Variants in TNFAIP8 observed in about 807,000 individuals in gnomAD.
The protein encoded by TNFAIP8 is TNF alpha induced protein 8.
Under a neutral mutation model 13.3 loss-of-function variants are expected in TNFAIP8, and 7 were observed. The observed-to-expected ratio is 0.52, with a 90% CI of 0.30 to 0.99. The LOEUF (loss-of-function observed/expected upper bound fraction) is 0.99. Ranked by LOEUF, TNFAIP8 falls within the 50% of genes least tolerant of loss-of-function variation. The pLI is 0.07. For synonymous variants in TNFAIP8, 94 were observed against 87.6 expected, an observed-to-expected ratio of 1.07 and a Z score of -0.41; for missense variants, 258 against 236.9, an observed-to-expected ratio of 1.09 and a Z score of -0.58.
At chr5:119,270,884 C>G (rs1274289546) in intron 1 of TNFAIP8, among the ~76,000 whole-genome samples, 1 of 152,164 alleles carries the variant, frequency 6.6e-6, no homozygotes, top group South Asian at 2.1e-4. Flanking sequence ...GCATAGTGAT[C>G]CTGCACAAAT....
intron 1 of TNFAIP8, among the ~76,000 whole-genome samples, chr5:119,374,661 G>T (rs991439955): frequency 1.3e-5 from 2 of 152,166 alleles, no homozygotes; most frequent in African/African-American, 2.4e-5. Flanking sequence ...GATTCAGAAT[G>T]GTTTGAGCCC....
chr5:119,356,170 T>C, intron 1 of TNFAIP8, 49 bp downstream of exon 1: 1 of 1,509,430 alleles, frequency 6.6e-7, no homozygotes, highest in South Asian at 1.2e-5. Flanking sequence ...GCGGAGGAAT[T>C]TGGAGGAAGG....
chr5:119,324,292 AAAAAAAAAAAAAAAAAAAAAAAG>A (rs1750148996), intron 1 of TNFAIP8, among the ~76,000 whole-genome samples: 1 of 57,144 alleles, frequency 1.7e-5, no homozygotes, highest in African/African-American at 8.4e-5. Flanking sequence ...AAAAAAAAAA[AAAAAAAAAAAAAAAAAAAAAAAG>A]AAGAAGTTCC....
chr5:119,389,658 A>C (rs1373432403), intron 1 of TNFAIP8, among the ~76,000 whole-genome samples: 1 of 152,186 alleles, frequency 6.6e-6, no homozygotes, highest in African/African-American at 2.4e-5. Context: ...CTGGAAAATA[A>C]ATCTACTCAT....
In TNFAIP8 at chr5:119,393,498, C is replaced by A. The variant is rs1048637472; in HGVS notation, c.*117C>A. On this transcript the variant is annotated 3_prime_UTR_variant, in exon 2 of 2. Transcript: ENST00000504771. Reference sequence around the variant, plus strand: ...TACACATATTTCAGAAAGACTTTACCCAATTCAGTTGTCAGACATAATGAT... The same window carrying A: ...TACACATATTTCAGAAAGACTTTACACAATTCAGTTGTCAGACATAATGAT... The A allele has an allele frequency of 1.6e-5, 16 of 1,017,632 alleles. No individual in the cohort carries two copies. In the African/African-American group the frequency reaches 2.3e-4, roughly 14 times the overall value. 63.0% of individuals were successfully genotyped at this position (1,017,632 alleles called of 1,614,324 possible). A position where few individuals can be genotyped will look rare whatever the true frequency, so the allele number is the denominator to read the frequency against.
At chr5:119,325,096 A>G (rs903873588) in intron 1 of TNFAIP8, among the ~76,000 whole-genome samples, 5 of 152,096 alleles carry the variant, frequency 3.3e-5, no homozygotes, top group African/African-American at 1.2e-4. Context: ...AAAAAAAAAG[A>G]CTGCATTACA....
intron 1 of TNFAIP8, among the ~76,000 whole-genome samples, chr5:119,283,130 TG>T (rs1400314859): frequency 1.3e-5 from 2 of 152,268 alleles, no homozygotes; most frequent in African/African-American, 4.8e-5. Context: ...GACCTTGGGC[TG>T]CCCTATTTTA....
intron 1 of TNFAIP8, among the ~76,000 whole-genome samples, chr5:119,363,512 A>C (rs1384794732): frequency 6.6e-6 from 1 of 152,220 alleles, no homozygotes; most frequent in Non-Finnish European, 1.5e-5. Flanking sequence ...CATTTGGAAG[A>C]GCATTTGCCT....
At chr5:119,329,479 G>C (rs1750312835) in intron 1 of TNFAIP8, among the ~76,000 whole-genome samples, 1 of 152,114 alleles carries the variant, frequency 6.6e-6, no homozygotes, top group South Asian at 2.1e-4. Context: ...ACCTGGCCTT[G>C]TGAGGTCTTT....
chr5:119,269,472 CTG>C (rs1428661682), intron 1 of TNFAIP8, among the ~76,000 whole-genome samples: 1 of 152,122 alleles, frequency 6.6e-6, no homozygotes, highest in Non-Finnish European at 1.5e-5. Context: ...GTGTACATGA[CTG>C]CACATGTCGC....
intron 1 of TNFAIP8, among the ~76,000 whole-genome samples, chr5:119,343,849 C>T (rs1180693359): frequency 4.6e-5 from 7 of 152,204 alleles, no homozygotes; most frequent in African/African-American, 1.4e-4. Flanking sequence ...CCAGCAGCAG[C>T]TGCCCCCGCT....
intron 1 of TNFAIP8, chr5:119,391,472 G>T (rs1187141926): frequency 7.1e-6 from 5 of 700,860 alleles, no homozygotes; most frequent in Non-Finnish European, 1.3e-5. Context: ...AGAAGCGAGA[G>T]AAATGGGCCA....
intron 1 of TNFAIP8, among the ~76,000 whole-genome samples, chr5:119,380,700 T>C (rs764262724): frequency 1.3e-5 from 2 of 152,216 alleles, no homozygotes; most frequent in African/African-American, 2.4e-5. Context: ...GTATAAACAA[T>C]TGTAGGATAT....
intron 1 of TNFAIP8, among the ~76,000 whole-genome samples, chr5:119,380,991 G>C (rs1286933150): frequency 6.6e-6 from 1 of 152,204 alleles, no homozygotes; most frequent in Non-Finnish European, 1.5e-5. Context: ...GAGTACGTCT[G>C]AAAATTTTAA....
chr5:119,276,682 GTC>G (rs911763072), intron 1 of TNFAIP8, among the ~76,000 whole-genome samples: 1 of 152,122 alleles, frequency 6.6e-6, no homozygotes, highest in African/African-American at 2.4e-5. Flanking sequence ...CAACCCTGGT[GTC>G]TCTCCCTCTT....
intron 1 of TNFAIP8, among the ~76,000 whole-genome samples, chr5:119,272,136 A>G (rs1401719660): frequency 6.6e-6 from 1 of 152,242 alleles, no homozygotes; most frequent in Non-Finnish European, 1.5e-5. Flanking sequence ...GAAATGAGCT[A>G]CAAGTGGAGG....
chr5:119,350,905 C>A (rs1226108633), intron 1 of TNFAIP8, among the ~76,000 whole-genome samples: 1 of 151,606 alleles, frequency 6.6e-6, no homozygotes, highest in Non-Finnish European at 1.5e-5. Flanking sequence ...CAGTCTTATC[C>A]CAGTGCAGAT....
At chr5:119,317,248 A>C (rs1196737996) in intron 1 of TNFAIP8, among the ~76,000 whole-genome samples, 1 of 152,156 alleles carries the variant, frequency 6.6e-6, no homozygotes, top group African/African-American at 2.4e-5. Flanking sequence ...AATGGCTTGG[A>C]AGAAGACCCA....
intron 1 of TNFAIP8, among the ~76,000 whole-genome samples, chr5:119,283,142 T>A (rs1748685418): frequency 6.6e-6 from 1 of 152,228 alleles, no homozygotes; most frequent in Admixed American, 6.5e-5. Context: ...CCCTATTTTA[T>A]TCATGACCTG....
Sources: gnomAD v4.1 joint callset for allele counts (sites outside exome capture counted in the v4.1 genomes callset) on GRCh38, gnomAD v4.1.1 for gene constraint, MANE v1.5 for transcripts, NCBI Gene and HGNC (gene_info 2026-07-23, HGNC 2026-07-21) for gene names.